Variants in NCAM1 observed in about 807,000 individuals in gnomAD.
The protein encoded by NCAM1 is antigen recognized by monoclonal antibody 5.1H11.
Under a neutral mutation model 109.8 loss-of-function variants are expected in NCAM1, and 14 were observed. The observed-to-expected ratio is 0.13, with a 90% CI of 0.08 to 0.20. NCAM1 has a LOEUF of 0.20. Among genes scored for constraint, NCAM1 ranks in the 10% least tolerant of loss-of-function variants. The pLI is 1.00. For missense variants in NCAM1, 774 were observed against 1,109.9 expected, an observed-to-expected ratio of 0.70 and a Z score of 4.30; for synonymous variants, 418 against 442.9, an observed-to-expected ratio of 0.94 and a Z score of 0.70.
intron 14 of NCAM1, among the ~76,000 whole-genome samples, chr11:113,240,985 A>G (rs1432815509): frequency 1.3e-5 from 2 of 152,204 alleles, no homozygotes; most frequent in Non-Finnish European, 2.9e-5. Context: ...GAGAAGAGAA[A>G]CAGGCATAGG....
chr11:113,228,157 A>T (rs1291542862), intron 9 of NCAM1, among the ~76,000 whole-genome samples: 1 of 152,236 alleles, frequency 6.6e-6, no homozygotes, highest in Non-Finnish European at 1.5e-5. Flanking sequence ...CTGTTTGCAG[A>T]TGACATGATT....
At chr11:113,261,972 C>T (rs1329953020) in intron 17 of NCAM1, among the ~76,000 whole-genome samples, 1 of 152,102 alleles carries the variant, frequency 6.6e-6, no homozygotes, top group Non-Finnish European at 1.5e-5. Context: ...TTGTGAATCG[C>T]CCAGGTGCCC....
intron 1 of NCAM1, among the ~76,000 whole-genome samples, chr11:112,993,502 A>G (rs972758002): frequency 1.3e-5 from 2 of 152,184 alleles, no homozygotes; most frequent in Admixed American, 1.3e-4. Context: ...AAAGTATATC[A>G]GTTGTCAACT....
chr11:113,110,522 A>G (rs1555093469), intron 1 of NCAM1, among the ~76,000 whole-genome samples: 1 of 152,214 alleles, frequency 6.6e-6, no homozygotes, highest in African/African-American at 2.4e-5. Flanking sequence ...GGTCATTCAT[A>G]TAGGGGGAGA....
At chr11:113,018,521 A>C (rs1555075691) in intron 1 of NCAM1, among the ~76,000 whole-genome samples, 1 of 152,038 alleles carries the variant, frequency 6.6e-6, no homozygotes, top group African/African-American at 2.4e-5. Flanking sequence ...GATGATTCTT[A>C]CCTTGGGGCT....
At chr11:113,066,602 A>G (rs909715325) in intron 1 of NCAM1, among the ~76,000 whole-genome samples, 1 of 151,968 alleles carries the variant, frequency 6.6e-6, no homozygotes, top group Non-Finnish European at 1.5e-5. Flanking sequence ...TTCTCTTATG[A>G]CTCTAATTTT....
intron 1 of NCAM1, among the ~76,000 whole-genome samples, chr11:113,111,671 A>G (rs1940450390): frequency 6.6e-6 from 1 of 152,246 alleles, no homozygotes; most frequent in Admixed American, 6.5e-5. Context: ...ATTCCTCAGT[A>G]AACGTGACTG....
At chr11:113,059,850 AG>A (rs1442665566) in intron 1 of NCAM1, among the ~76,000 whole-genome samples, 2 of 152,208 alleles carry the variant, frequency 1.3e-5, no homozygotes, top group Non-Finnish European at 2.9e-5. Context: ...GCTTGATTTT[AG>A]GGGTCATGTA....
intron 1 of NCAM1, among the ~76,000 whole-genome samples, chr11:113,134,680 G>A (rs1941534311): frequency 6.6e-6 from 1 of 152,030 alleles, no homozygotes; most frequent in Admixed American, 6.5e-5. Context: ...ACAAATTCAG[G>A]GCAGAAGGCT....
chr11:113,084,203 G>A (rs942324878), intron 1 of NCAM1, among the ~76,000 whole-genome samples: 4 of 152,060 alleles, frequency 2.6e-5, no homozygotes, highest in East Asian at 1.9e-4. Flanking sequence ...TTAAGGAGGC[G>A]CCCACTCTCA....
chr11:113,180,840 G>C (rs1255240859), intron 1 of NCAM1, among the ~76,000 whole-genome samples: 1 of 152,204 alleles, frequency 6.6e-6, no homozygotes. Context: ...CTCTTCGTCT[G>C]TATAATGGGT....
chr11:112,987,314 T>C (rs1951334227), intron 1 of NCAM1, among the ~76,000 whole-genome samples: 1 of 152,148 alleles, frequency 6.6e-6, no homozygotes, highest in South Asian at 2.1e-4. Flanking sequence ...TGGCCTAACA[T>C]ATGGTCTGTC....
chr11:113,024,707 A>T (rs1041584304), intron 1 of NCAM1, among the ~76,000 whole-genome samples: 1 of 152,194 alleles, frequency 6.6e-6, no homozygotes, highest in Admixed American at 6.5e-5. Flanking sequence ...AAAAAAAAGA[A>T]AAAAAACTGA....
At position 113,235,044 on chromosome 11, in the gene NCAM1, G is replaced by A. The variant is rs1945122846; in HGVS notation, c.1705G>A (p.Gly569Ser). The change falls in exon 14 of 20, where the codon GGC becomes AGC. Residue 569 changes from glycine to serine, a missense_variant. Physicochemically the swap from Gly to Ser is moderately conservative, Grantham distance 56 (BLOSUM62 0). Transcript: ENST00000316851. ...WYDAKEASME[G>S]IVTIVGLKPE... ...CCATATTATAACAGCCAGCATGGAG[G>A]GCATCGTCACCATCGTGGGCCTGAA... 6.4e-7 allele frequency: 1 copy of A among 1,559,170 alleles called. No individual in the cohort carries two copies. Among genetic ancestry groups the A allele is most frequent in the Non-Finnish European group, 8.7e-7 (1 of 1,151,236 alleles).
chr11:112,983,419 G>T (rs1334090415), intron 1 of NCAM1, among the ~76,000 whole-genome samples: 1 of 106,572 alleles, frequency 9.4e-6, no homozygotes, highest in African/African-American at 3.4e-5. Flanking sequence ...CAAAAATTTG[G>T]ATTTTTTTTT....
chr11:113,123,020 G>A (rs868918052), intron 1 of NCAM1, among the ~76,000 whole-genome samples: 2 of 152,168 alleles, frequency 1.3e-5, no homozygotes, highest in African/African-American at 2.4e-5. Flanking sequence ...TCTCAAGGAG[G>A]TAGAGAGTAG....
chr11:113,070,693 T>G (rs1009844051), intron 1 of NCAM1, among the ~76,000 whole-genome samples: 8 of 152,152 alleles, frequency 5.3e-5, no homozygotes, highest in Admixed American at 3.9e-4. Context: ...CGAATAAATT[T>G]GGAAGTAGCT....
At chr11:113,158,532 C>T (rs1357298106) in intron 1 of NCAM1, among the ~76,000 whole-genome samples, 1 of 152,176 alleles carries the variant, frequency 6.6e-6, no homozygotes, top group Non-Finnish European at 1.5e-5. Flanking sequence ...ATGACATGCT[C>T]CCACCTTTCT....
At chr11:113,021,705 G>A (rs1555076310) in intron 1 of NCAM1, among the ~76,000 whole-genome samples, 1 of 152,150 alleles carries the variant, frequency 6.6e-6, no homozygotes, top group Non-Finnish European at 1.5e-5. Context: ...CACTAAATAA[G>A]TTGGCTTATG....
Sources: gnomAD v4.1 joint callset for allele counts (sites outside exome capture counted in the v4.1 genomes callset) on GRCh38, gnomAD v4.1.1 for gene constraint, MANE v1.5 for transcripts, NCBI Gene and HGNC (gene_info 2026-07-23, HGNC 2026-07-21) for gene names.